NAALADL2: variants seen among roughly 807,000 people sequenced by gnomAD.
NAALADL2 encodes inactive N-acetylated-alpha-linked acidic dipeptidase-like protein 2.
NAALADL2 carries 76 observed loss-of-function variants against 87.2 expected under a neutral mutation model. That is an observed-to-expected ratio of 0.87 (90% CI 0.72 to 1.05). The LOEUF is 1.05. Ranked by LOEUF, NAALADL2 falls within the 50% of genes least tolerant of loss-of-function variation. The pLI is 0.00. For synonymous variants in NAALADL2, 354 were observed against 331.0 expected, an observed-to-expected ratio of 1.07 and a Z score of -0.75; for missense variants, 1,089 against 945.8, an observed-to-expected ratio of 1.15 and a Z score of -1.99.
At chr3:175,732,546 G>T (rs1743915076) in intron 11 of NAALADL2, among the ~76,000 whole-genome samples, 1 of 152,100 alleles carries the variant, frequency 6.6e-6, no homozygotes, top group South Asian at 2.1e-4. Flanking sequence ...TCCAAGAGAG[G>T]ATTAAAGGTA....
intron 1 of NAALADL2, among the ~76,000 whole-genome samples, chr3:174,961,008 G>A (rs1741897474): frequency 6.7e-6 from 1 of 149,822 alleles, no homozygotes; most frequent in Non-Finnish European, 1.5e-5. Flanking sequence ...TTCCACTCCA[G>A]AGTGGGCTAC....
At chr3:175,598,071 G>A (rs1722477989) in intron 10 of NAALADL2, among the ~76,000 whole-genome samples, 1 of 151,798 alleles carries the variant, frequency 6.6e-6, no homozygotes, top group Admixed American at 6.6e-5. Context: ...TATGTAATGA[G>A]GGGCATAGCA....
At chr3:174,632,828 A>G (rs918640960) in intron 2 of NAALADL2, among the ~76,000 whole-genome samples, 3 of 147,090 alleles carry the variant, frequency 2.0e-5, no homozygotes, top group Admixed American at 1.4e-4. Flanking sequence ...CCAGCTACTC[A>G]GGGGGCTGAG....
At chr3:175,713,015 A>G (rs943294213) in intron 11 of NAALADL2, among the ~76,000 whole-genome samples, 1 of 152,098 alleles carries the variant, frequency 6.6e-6, no homozygotes, top group African/African-American at 2.4e-5. Context: ...CCCTTAATCT[A>G]AATGCTGTAA....
chr3:175,565,222 G>T (rs1716915143), intron 9 of NAALADL2, among the ~76,000 whole-genome samples: 1 of 151,972 alleles, frequency 6.6e-6, no homozygotes, highest in South Asian at 2.1e-4. Context: ...ATGTCTATAG[G>T]GGATAACAAA....
chr3:174,879,241 C>G (rs190189173), intron 1 of NAALADL2, among the ~76,000 whole-genome samples: 1 of 152,042 alleles, frequency 6.6e-6, no homozygotes, highest in Admixed American at 6.6e-5. Flanking sequence ...AACACCTTGA[C>G]TACAGACCAC....
At chr3:175,735,338 C>CT (rs1428227928) in intron 11 of NAALADL2, among the ~76,000 whole-genome samples, 1 of 152,162 alleles carries the variant, frequency 6.6e-6, no homozygotes, top group African/African-American at 2.4e-5. Flanking sequence ...ATTTCCCTGT[C>CT]TTTTTCTGAG....
intron 3 of NAALADL2, among the ~76,000 whole-genome samples, chr3:174,834,459 A>T (rs1422306343): frequency 6.6e-6 from 1 of 151,868 alleles, no homozygotes; most frequent in Non-Finnish European, 1.5e-5. Context: ...GCATTGTAAT[A>T]AAGGAAGAAA....
At chr3:174,960,157 C>CT (rs1285074997) in intron 1 of NAALADL2, among the ~76,000 whole-genome samples, 3 of 151,990 alleles carry the variant, frequency 2.0e-5, no homozygotes, top group African/African-American at 2.4e-5. Context: ...GTGGTAAAGT[C>CT]TAGATTCTAC....
At position 175,806,113 on chromosome 3, in the gene NAALADL2, T is replaced by C. The variant is rs994693061; in HGVS notation, c.*2910T>C. On this transcript the variant is annotated 3_prime_UTR_variant, in exon 14 of 14. Transcript: ENST00000454872. ...AAATGATCTTTTCCAGTGCATTCGA[T>C]GTAACCAGCCATTCTGTCAGATGTT... The C allele has an allele frequency of 6.6e-6, 1 of 151,978 alleles. No homozygotes were observed. The highest frequency in any genetic ancestry group is 1.5e-5 in the Non-Finnish European group (1 of 67,908). 9.4% of individuals were successfully genotyped at this position (151,978 alleles called of 1,614,324 possible).
At chr3:174,608,900 T>C (rs1318110335) in intron 2 of NAALADL2, among the ~76,000 whole-genome samples, 2 of 151,942 alleles carry the variant, frequency 1.3e-5, no homozygotes, top group Admixed American at 6.6e-5. Context: ...TGAACATTGA[T>C]GCAAAAATCC....
At chr3:174,482,091 T>C (rs1326533212) in intron 1 of NAALADL2, among the ~76,000 whole-genome samples, 2 of 152,110 alleles carry the variant, frequency 1.3e-5, no homozygotes, top group Non-Finnish European at 2.9e-5. Context: ...ATCAGTCTCA[T>C]ACCTGCTATA....
chr3:175,630,328 A>G (rs1727586006), intron 11 of NAALADL2, among the ~76,000 whole-genome samples: 1 of 151,778 alleles, frequency 6.6e-6, no homozygotes, highest in Admixed American at 6.6e-5. Context: ...TATTCTCTTT[A>G]GTAGAACTTT....
At chr3:174,944,887 C>A (rs1184712420) in intron 1 of NAALADL2, among the ~76,000 whole-genome samples, 2 of 152,160 alleles carry the variant, frequency 1.3e-5, no homozygotes, top group South Asian at 4.2e-4. Flanking sequence ...AGTGGGCCAT[C>A]ATCCTGCCTT....
At chr3:175,343,660 T>TTTTTTTTTTTTTTTTTTTTTTTG (rs1762815406) in intron 5 of NAALADL2, among the ~76,000 whole-genome samples, 1 of 133,242 alleles carries the variant, frequency 7.5e-6, no homozygotes, top group Non-Finnish European at 1.6e-5. Context: ...ATCATGTTTT[T>TTTTTTTTTTTTTTTTTTTTTTTG]TTTTTTTTTT....
intron 1 of NAALADL2, among the ~76,000 whole-genome samples, chr3:174,997,114 T>G (rs1297153753): frequency 6.6e-6 from 1 of 151,596 alleles, no homozygotes; most frequent in Non-Finnish European, 1.5e-5. Context: ...TTTCATAGCT[T>G]TGCAATTGAG....
At chr3:174,624,479 C>A (rs1721356298) in intron 2 of NAALADL2, among the ~76,000 whole-genome samples, 1 of 151,968 alleles carries the variant, frequency 6.6e-6, no homozygotes, top group Admixed American at 6.6e-5. Context: ...TGAAAATTAG[C>A]CAGAAGTGGT....
intron 2 of NAALADL2, among the ~76,000 whole-genome samples, chr3:175,206,212 A>C (rs995612551): frequency 2.7e-5 from 4 of 147,690 alleles, no homozygotes; most frequent in African/African-American, 1.0e-4. Context: ...CTCATCAATC[A>C]ATGAGAGGAT....
chr3:175,551,614 G>A (rs1404111184), intron 9 of NAALADL2, among the ~76,000 whole-genome samples: 2 of 152,120 alleles, frequency 1.3e-5, no homozygotes, highest in Admixed American at 1.3e-4. Flanking sequence ...GTTCACACAA[G>A]AGGGGCCGGG....
Sources: gnomAD v4.1 joint callset for allele counts (sites outside exome capture counted in the v4.1 genomes callset) on GRCh38, gnomAD v4.1.1 for gene constraint, MANE v1.5 for transcripts, NCBI Gene and HGNC (gene_info 2026-07-23, HGNC 2026-07-21) for gene names.